The following BICRAL variants were observed in gnomAD, a reference collection of about 807,000 sequenced individuals.
The protein encoded by BICRAL is BRD4-interacting chromatin-remodeling complex-associated protein-like.
BICRAL carries 8 observed loss-of-function variants against 91.8 expected under a neutral mutation model. The ratio of observed to expected loss-of-function variants is 0.09; its 90% CI spans 0.05 to 0.16. The LOEUF (loss-of-function observed/expected upper bound fraction) is 0.16. BICRAL is among the 10% of genes least tolerant of loss of function. The pLI, the probability that BICRAL is intolerant of heterozygous loss-of-function variation, is 1.00. For missense variants in BICRAL, 1,038 were observed against 1,310.9 expected, an observed-to-expected ratio of 0.79 and a Z score of 3.21; for synonymous variants, 445 against 491.1, an observed-to-expected ratio of 0.91 and a Z score of 1.24.
intron 1 of BICRAL, among the ~76,000 whole-genome samples, chr6:42,762,357 T>TA (rs1762563399): frequency 6.6e-6 from 1 of 152,216 alleles, no homozygotes; most frequent in African/African-American, 2.4e-5. Context: ...AAGGAAAAGA[T>TA]AAAGATATAT....
At position 42,862,611 on chromosome 6, in the gene BICRAL, T is replaced by C; in HGVS notation, c.2451T>C (p.Pro817=). ...SRDKRLALVD[P]EGFQADFCCS... ...ACAAGCGTTTGGCACTTGTAGACCC[T>C]GGTAAGAAACATCGCAGTGAAAGTA... Residue 817 remains proline (P), a splice_region_variant and synonymous_variant, in exon 12 of 13, where the codon CCT becomes CCC. Transcript: ENST00000314073. 6.3e-7 allele frequency: 1 copy of C among 1,576,772 alleles called. No homozygotes were observed. Among genetic ancestry groups the C allele is most frequent in the Non-Finnish European group, 8.7e-7 (1 of 1,146,116 alleles).
intron 6 of BICRAL, among the ~76,000 whole-genome samples, chr6:42,833,695 G>A (rs1223408969): frequency 4.0e-5 from 6 of 151,804 alleles, no homozygotes; most frequent in Admixed American, 2.6e-4. Flanking sequence ...TGATCTGCCC[G>A]CCTCAGCCTC....
At chr6:42,790,748 C>T (rs971203963) in intron 1 of BICRAL, among the ~76,000 whole-genome samples, 2 of 151,890 alleles carry the variant, frequency 1.3e-5, no homozygotes, top group Non-Finnish European at 2.9e-5. Context: ...TGGGGAAAAA[C>T]GGGTGAAACG....
At chr6:42,812,157 G>T (rs182405988) in intron 2 of BICRAL, among the ~76,000 whole-genome samples, 4 of 152,226 alleles carry the variant, frequency 2.6e-5, no homozygotes, top group African/African-American at 9.6e-5. Flanking sequence ...ACAAATGATA[G>T]AATTAATCAT....
chr6:42,783,468 C>T (rs1295978782), intron 1 of BICRAL, among the ~76,000 whole-genome samples: 1 of 152,166 alleles, frequency 6.6e-6, no homozygotes. Flanking sequence ...TGGCGCTGGG[C>T]CTGGCCTGTC....
chr6:42,772,063 A>G (rs1762746146), intron 1 of BICRAL, among the ~76,000 whole-genome samples: 1 of 152,168 alleles, frequency 6.6e-6, no homozygotes, highest in Admixed American at 6.5e-5. Context: ...TATAGAGTGC[A>G]TAGAGAAGGG....
In BICRAL at chr6:42,843,258, G is replaced by A. The variant is rs185990689; in HGVS notation, c.1840-8834G>A. On this transcript the variant is annotated intron_variant, in intron 6 of 12. Transcript: ENST00000314073. ...GTCAGGGAAGGTTTCCTGAGGTGGT[G>A]GTCTCTGAGAGTTACCCAGGCAGAG... Among the ~76,000 whole-genome samples, 104 of 152,210 alleles carry A rather than the reference G, an allele frequency of 6.8e-4. 1 individual carries two copies. Among genetic ancestry groups the A allele is most frequent in the Middle Eastern group, 6.8e-3 (2 of 294 alleles).
At chr6:42,827,063 A>C (rs1456039872) in intron 5 of BICRAL, among the ~76,000 whole-genome samples, 1 of 152,222 alleles carries the variant, frequency 6.6e-6, no homozygotes, top group African/African-American at 2.4e-5. Context: ...TGGGATTAAT[A>C]GGTGTGAGCC....
At chr6:42,858,923 C>T (rs571088916) in intron 10 of BICRAL, among the ~76,000 whole-genome samples, 8 of 152,280 alleles carry the variant, frequency 5.3e-5, no homozygotes, top group African/African-American at 1.2e-4. Context: ...CCACCACCAC[C>T]GCTAAGGCCT....
At chr6:42,790,664 A>G (rs533289404) in intron 1 of BICRAL, among the ~76,000 whole-genome samples, 112 of 152,114 alleles carry the variant, frequency 7.4e-4, no homozygotes, top group Middle Eastern at 6.8e-3. Flanking sequence ...GGAGTAGATG[A>G]TGGAATTCAA....
intron 1 of BICRAL, among the ~76,000 whole-genome samples, chr6:42,786,363 T>G (rs1763103571): frequency 6.6e-6 from 1 of 152,132 alleles, no homozygotes; most frequent in Non-Finnish European, 1.5e-5. Context: ...GTGGGTGGAG[T>G]GACTTCCAGT....
chr6:42,754,837 A>T (rs890646492), intron 1 of BICRAL, among the ~76,000 whole-genome samples: 3 of 152,224 alleles, frequency 2.0e-5, no homozygotes, highest in African/African-American at 7.2e-5. Flanking sequence ...TTGGGGCTGC[A>T]GTGAGCCATG....
chr6:42,790,213 A>G (rs1763229722), intron 1 of BICRAL, among the ~76,000 whole-genome samples: 1 of 152,246 alleles, frequency 6.6e-6, no homozygotes, highest in African/African-American at 2.4e-5. Flanking sequence ...CCTGGAGTGC[A>G]GTGGTACAAT....
At chr6:42,824,413 C>T (rs1053967390) in intron 5 of BICRAL, among the ~76,000 whole-genome samples, 2 of 152,052 alleles carry the variant, frequency 1.3e-5, no homozygotes, top group African/African-American at 4.8e-5. Context: ...GGCACGATCT[C>T]GTCTCACTGC....
intron 6 of BICRAL, 80 bp downstream of exon 6, chr6:42,830,252 C>T (rs1231965313): frequency 7.1e-7 from 1 of 1,408,736 alleles, no homozygotes; most frequent in African/African-American, 1.4e-5. Flanking sequence ...ATATAATTTT[C>T]ATCCTAGGCA....
chr6:42,769,546 T>A (rs79701075), intron 1 of BICRAL, among the ~76,000 whole-genome samples: 1,619 of 152,320 alleles, frequency 0.011, 26 homozygotes, highest in African/African-American at 0.036. Flanking sequence ...ATTCCTTTAG[T>A]GCCTACTGTG....
chr6:42,790,067 C>T (rs530975409), intron 1 of BICRAL, among the ~76,000 whole-genome samples: 2 of 152,144 alleles, frequency 1.3e-5, no homozygotes, highest in South Asian at 4.2e-4. Context: ...GAATGTGTGG[C>T]GGCTTATAGC....
intron 7 of BICRAL, among the ~76,000 whole-genome samples, chr6:42,852,661 C>CAAAAA (rs70990155): frequency 1.5e-5 from 1 of 66,066 alleles, no homozygotes; most frequent in African/African-American, 4.6e-5. Context: ...GACTCTGTCT[C>CAAAAA]AAAAAAAAAA....
At chr6:42,798,922 T>A (rs1562467226) in intron 1 of BICRAL, among the ~76,000 whole-genome samples, 1 of 130,188 alleles carries the variant, frequency 7.7e-6, no homozygotes, top group African/African-American at 3.5e-5. Context: ...CTATATTGTT[T>A]TAAAATTTGT....
Sources: gnomAD v4.1 joint callset for allele counts (sites outside exome capture counted in the v4.1 genomes callset) on GRCh38, gnomAD v4.1.1 for gene constraint, MANE v1.5 for transcripts, NCBI Gene and HGNC (gene_info 2026-07-23, HGNC 2026-07-21) for gene names.